Variants in ZNF117 observed in about 807,000 individuals in gnomAD.
ZNF117 encodes zinc finger protein 117.
A neutral mutation model predicts 41.2 loss-of-function variants in ZNF117; 37 were observed. The ratio of observed to expected loss-of-function variants is 0.90; its 90% confidence interval spans 0.69 to 1.18. The LOEUF (loss-of-function observed/expected upper bound fraction) is 1.18, where lower values mean the gene tolerates loss of function less well. ZNF117 is among the 50% of genes most tolerant of loss of function. The pLI is 0.00. For synonymous variants in ZNF117, 186 were observed against 186.6 expected (o/e 1.00, Z 0.02); for missense variants, 546 against 557.5 (o/e 0.98, Z 0.21).
At chr7:64,971,884 AAT>A (rs1458720817), downstream of ZNF117, 1 of 152,118 alleles carries the variant, frequency 6.6e-6, no homozygotes, top group African/African-American at 2.4e-5. Context: ...AATCTGATAC[AAT>A]CAACAAAATG....
At position 64,990,353 on chromosome 7, in the gene ZNF117, C is replaced by CA. The variant is rs1786235929; in HGVS notation, c.-603dup. On this transcript the variant is annotated 5_prime_UTR_variant, in exon 1 of 4. An upstream open reading frame in the 5' UTR loses its in-frame stop. Coordinates refer to the ZNF117 transcript ENST00000282869. ...GTGGGAATCAGGAGGCCGGAGAGAT[C>CA]ACTGGGTGCAACAGGAAGGTTTTAT... 1 of 169,672 alleles carries CA rather than the reference C, an allele frequency of 5.9e-6. No homozygotes were observed. Among genetic ancestry groups the CA allele is most frequent in the Non-Finnish European group, 1.3e-5 (1 of 79,666 alleles). 10.5% of individuals were successfully genotyped at this position (169,672 alleles called of 1,614,324 possible).
chr7:64,977,984 G>T, exon 3 of ZNF117: 1 of 1,272,420 alleles, frequency 7.9e-7, no homozygotes, highest in Non-Finnish European at 1.1e-6. Flanking sequence ...CATCACATTT[G>T]TGTAACTTCT....
upstream of ZNF117, chr7:64,982,217 A>C: frequency 2.0e-6 from 1 of 492,338 alleles, no homozygotes; most frequent in Non-Finnish European, 3.7e-6. Flanking sequence ...ACAGTAAAGA[A>C]AACTGGTTCT....
At position 64,979,158 on chromosome 7, in the gene ZNF117, T is replaced by C. The variant is rs567707150; in HGVS notation, c.413A>G (p.Lys138Arg). ...AAAGGCTCTTCCATATGCTTCACAT[T>C]TGTAGAAATTCACTCTAGTTTGGAT... The change falls in exon 3 of 3, where the codon AAA becomes AGA. Residue 138 changes from lysine to arginine, a missense_variant. Lys to Arg is a conservative substitution (Grantham distance 26, BLOSUM62 2). Transcript: ENST00000620222. 40 of 1,605,520 alleles carry C rather than the reference T, an allele frequency of 2.5e-5. No individual in the cohort carries two copies. In the East Asian group the frequency reaches 8.9e-4, roughly 36 times the overall value.
chr7:64,975,813 T>G (rs1300143013), exon 3 of ZNF117: 1 of 152,206 alleles, frequency 6.6e-6, no homozygotes, highest in Non-Finnish European at 1.5e-5. Context: ...TGTCAGTGCC[T>G]TAGATATTTC....
At chr7:64,988,346 G>T (rs898676057) in intron 1 of ZNF117, among the ~76,000 whole-genome samples, 8 of 151,934 alleles carry the variant, frequency 5.3e-5, no homozygotes, top group African/African-American at 1.9e-4. Flanking sequence ...CAAAAATAAG[G>T]ATAAAAACCA....
At chr7:64,983,437 A>T (rs1191031961), upstream of ZNF117, among the ~76,000 whole-genome samples, 2 of 152,256 alleles carry the variant, frequency 1.3e-5, no homozygotes, top group Non-Finnish European at 2.9e-5. Flanking sequence ...ACCCTTGACT[A>T]TCATAAGAAT....
exon 3 of ZNF117, chr7:64,977,668 G>C: frequency 2.5e-6 from 2 of 797,210 alleles, no homozygotes; most frequent in Non-Finnish European, 2.0e-6. Flanking sequence ...TCTCCAGTAT[G>C]AATTTTCTTA....
exon 1 of ZNF117, chr7:64,982,016 T>A (rs1786043924): frequency 1.3e-6 from 1 of 762,254 alleles, no homozygotes; most frequent in South Asian, 1.5e-5. Context: ...TCTGTAGTTC[T>A]CTCACATCAC....
At chr7:64,980,407 GAAT>G (rs139816564) in intron 2 of ZNF117, 116 of 151,004 alleles carry the variant, frequency 7.7e-4, no homozygotes, top group African/African-American at 2.6e-3. Context: ...AACATAAATT[GAAT>G]AATACTCCAT....
intron 2 of ZNF117, chr7:64,980,596 A>G (rs919408186): frequency 6.6e-6 from 1 of 152,056 alleles, no homozygotes; most frequent in African/African-American, 2.4e-5. Flanking sequence ...TAGAATACAC[A>G]CAAAGATATT....
At chr7:64,982,236 G>A (rs1202999977), upstream of ZNF117, 3 of 428,330 alleles carry the variant, frequency 7.0e-6, no homozygotes, top group East Asian at 1.4e-4. Context: ...CTGACTTATA[G>A]GAGTGAATGA....
exon 3 of ZNF117, chr7:64,978,405 T>A: frequency 6.2e-7 from 1 of 1,613,792 alleles, no homozygotes; most frequent in Non-Finnish European, 8.5e-7. Context: ...TCTACATTTG[T>A]GGGGATTCTC....
At chr7:64,990,585 T>C (rs1786242279) in exon 1 of ZNF117, 1 of 152,310 alleles carries the variant, frequency 6.6e-6, no homozygotes, top group Non-Finnish European at 1.5e-5. Flanking sequence ...AACATGAGCC[T>C]ACCTTACTTA....
chr7:64,987,821 CA>C (rs1426864464), intron 1 of ZNF117, among the ~76,000 whole-genome samples: 7 of 26,960 alleles, frequency 2.6e-4, no homozygotes, highest in Non-Finnish European at 3.6e-4. Context: ...CCGTTCTCCA[CA>C]AAAAGGAAAA....
At chr7:64,984,579 C>G (rs992387231), upstream of ZNF117, among the ~76,000 whole-genome samples, 2 of 152,060 alleles carry the variant, frequency 1.3e-5, no homozygotes, top group African/African-American at 4.8e-5. Flanking sequence ...ATCATGCTTA[C>G]CTATAATTAA....
intron 1 of ZNF117, among the ~76,000 whole-genome samples, chr7:64,989,155 A>ACACC (rs1365737594): frequency 6.7e-6 from 1 of 150,322 alleles, no homozygotes; most frequent in Non-Finnish European, 1.5e-5. Flanking sequence ...ATACACACAC[A>ACACC]CACACACATA....
intron 1 of ZNF117, among the ~76,000 whole-genome samples, chr7:64,989,443 T>TTATATATATATATATA (rs58009024): frequency 8.1e-5 from 4 of 49,458 alleles, no homozygotes; most frequent in Non-Finnish European, 1.1e-4. Context: ...GAACTTAAAA[T>TTATATATATATATATA]TATATATATA....
exon 3 of ZNF117, chr7:64,978,883 A>G: frequency 6.2e-7 from 1 of 1,613,648 alleles, no homozygotes; most frequent in East Asian, 2.2e-5. Context: ...GCTTGGTTAA[A>G]AGCTCTAACA....
Sources: gnomAD v4.1 joint callset for allele counts (sites outside exome capture counted in the v4.1 genomes callset) on GRCh38, gnomAD v4.1.1 for gene constraint, MANE v1.5 for transcripts, NCBI Gene and HGNC (gene_info 2026-07-23, HGNC 2026-07-21) for gene names.